Variants in TRPC7 observed in about 807,000 individuals in gnomAD.
TRPC7 encodes transient receptor potential cation channel subfamily C member 7.
A neutral mutation model predicts 90.1 loss-of-function variants in TRPC7; 42 were observed. That is an observed-to-expected ratio of 0.47 (90% CI 0.36 to 0.60). TRPC7 has a LOEUF of 0.60. Among genes scored for constraint, TRPC7 ranks in the 20% least tolerant of loss-of-function variants. TRPC7 has a pLI of 0.00. For synonymous variants in TRPC7, 451 were observed against 436.3 expected, an observed-to-expected ratio of 1.03 and a Z score of -0.42; for missense variants, 955 against 1,112.3, an observed-to-expected ratio of 0.86 and a Z score of 2.01.
At chr5:136,219,211 T>C (rs1344106368) in intron 10 of TRPC7, among the ~76,000 whole-genome samples, 1 of 152,204 alleles carries the variant, frequency 6.6e-6, no homozygotes, top group Non-Finnish European at 1.5e-5. Flanking sequence ...GCAGGAATGC[T>C]CATGGCCCAC....
At chr5:136,267,739 A>G (rs1484922728) in intron 4 of TRPC7, among the ~76,000 whole-genome samples, 1 of 152,230 alleles carries the variant, frequency 6.6e-6, no homozygotes, top group Non-Finnish European at 1.5e-5. Flanking sequence ...AAAATAAAGT[A>G]TTAGTTTTTA....
intron 2 of TRPC7, among the ~76,000 whole-genome samples, chr5:136,318,204 A>G (rs1016388037): frequency 5.3e-5 from 8 of 152,196 alleles, no homozygotes; most frequent in African/African-American, 1.4e-4. Context: ...CCTGAGCTCA[A>G]TTAGCCTTCC....
At chr5:136,325,827 C>T (rs993292695) in intron 2 of TRPC7, among the ~76,000 whole-genome samples, 12 of 152,106 alleles carry the variant, frequency 7.9e-5, no homozygotes, top group African/African-American at 2.4e-4. Flanking sequence ...GTCTGGGGGC[C>T]GAACACCTAA....
At chr5:136,355,578 C>T (rs1290376170) in intron 2 of TRPC7, among the ~76,000 whole-genome samples, 1 of 151,480 alleles carries the variant, frequency 6.6e-6, no homozygotes, top group South Asian at 2.1e-4. Context: ...GTGGGCAGAT[C>T]ACGAGGTCAG....
chr5:136,254,888 A>G (rs967177743), intron 5 of TRPC7, among the ~76,000 whole-genome samples: 1 of 152,208 alleles, frequency 6.6e-6, no homozygotes, highest in Non-Finnish European at 1.5e-5. Flanking sequence ...GAATATCAAC[A>G]TTAAATGGAA....
At chr5:136,274,581 T>A (rs1432698563) in intron 4 of TRPC7, 92 bp downstream of exon 4, 1 of 1,288,530 alleles carries the variant, frequency 7.8e-7, no homozygotes, top group Non-Finnish European at 1.0e-6. Flanking sequence ...TGGGAAAAAA[T>A]CAGCTGCTAA....
chr5:136,278,491 A>T (rs1019323801), intron 3 of TRPC7, among the ~76,000 whole-genome samples: 1 of 152,246 alleles, frequency 6.6e-6, no homozygotes, highest in African/African-American at 2.4e-5. Flanking sequence ...GCTAGGAGAC[A>T]TGATGAACAG....
chr5:136,307,011 G>T (rs1472239929), intron 3 of TRPC7, among the ~76,000 whole-genome samples: 1 of 152,172 alleles, frequency 6.6e-6, no homozygotes, highest in Non-Finnish European at 1.5e-5. Context: ...CTCTTCACAC[G>T]GACATGCATG....
At chr5:136,264,448 G>A (rs779786290) in intron 5 of TRPC7, among the ~76,000 whole-genome samples, 2 of 152,168 alleles carry the variant, frequency 1.3e-5, no homozygotes, top group Admixed American at 6.5e-5. Context: ...AAACAATGGC[G>A]TATGTACTAG....
chr5:136,363,521 G>C (rs1191457107), intron 1 of TRPC7, among the ~76,000 whole-genome samples: 1 of 152,000 alleles, frequency 6.6e-6, no homozygotes, highest in African/African-American at 2.4e-5. Flanking sequence ...AGGTATACAC[G>C]AGTTCATACA....
At chr5:136,300,179 A>G (rs1406452083) in intron 3 of TRPC7, among the ~76,000 whole-genome samples, 1 of 152,256 alleles carries the variant, frequency 6.6e-6, no homozygotes, top group Non-Finnish European at 1.5e-5. Flanking sequence ...AGGATCTGAA[A>G]TATCTTTTGC....
chr5:136,213,664 A>T, intron 11 of TRPC7, 60 bp from the exon 12 acceptor site: 1 of 1,575,954 alleles, frequency 6.3e-7, no homozygotes, highest in African/African-American at 1.4e-5. Flanking sequence ...GGCTTGTCCC[A>T]TGCACATGTG....
intron 2 of TRPC7, among the ~76,000 whole-genome samples, chr5:136,331,390 G>A (rs1243034418): frequency 6.6e-6 from 1 of 152,066 alleles, no homozygotes; most frequent in Non-Finnish European, 1.5e-5. Context: ...CCAGGGCCCT[G>A]GAGGTACAAT....
intron 1 of TRPC7, among the ~76,000 whole-genome samples, chr5:136,363,981 G>T (rs1760646816): frequency 6.6e-6 from 1 of 152,156 alleles, no homozygotes; most frequent in Non-Finnish European, 1.5e-5. Flanking sequence ...AAATAGATAT[G>T]TGTAACCTTT....
At chr5:136,305,144 T>C (rs940630027) in intron 3 of TRPC7, among the ~76,000 whole-genome samples, 9 of 152,236 alleles carry the variant, frequency 5.9e-5, no homozygotes, top group Non-Finnish European at 8.8e-5. Flanking sequence ...ACCATTGTTC[T>C]TGGCCCGGAC....
chr5:136,288,394 G>C (rs1479192215), intron 3 of TRPC7, among the ~76,000 whole-genome samples: 1 of 144,430 alleles, frequency 6.9e-6, no homozygotes, highest in African/African-American at 2.5e-5. Context: ...ACAGGTTAAG[G>C]TTAGAAGTAG....
intron 4 of TRPC7, among the ~76,000 whole-genome samples, chr5:136,270,549 C>G (rs916668947): frequency 6.6e-5 from 10 of 152,168 alleles, no homozygotes; most frequent in African/African-American, 1.2e-4. Flanking sequence ...CGGGATATCT[C>G]TTATAGACAG....
chr5:136,299,109 C>T (rs1384663011), intron 3 of TRPC7, among the ~76,000 whole-genome samples: 3 of 151,968 alleles, frequency 2.0e-5, no homozygotes, highest in Non-Finnish European at 4.4e-5. Context: ...CGAGACCAGC[C>T]TCACCAACGT....
chr5:136,265,785 ATTATCAC>A (rs953480167), intron 5 of TRPC7, among the ~76,000 whole-genome samples: 1 of 152,180 alleles, frequency 6.6e-6, no homozygotes, highest in Non-Finnish European at 1.5e-5. Context: ...ATGTATATTT[ATTATCAC>A]AATTCTACTA....
Sources: gnomAD v4.1 joint callset for allele counts (sites outside exome capture counted in the v4.1 genomes callset) on GRCh38, gnomAD v4.1.1 for gene constraint, MANE v1.5 for transcripts, NCBI Gene and HGNC (gene_info 2026-07-23, HGNC 2026-07-21) for gene names.